The following PUM1 variants were observed in gnomAD, a reference collection of about 807,000 sequenced individuals.
PUM1 encodes the protein pumilio RNA binding family member 1, also known as pumilio homolog 1.
Under a neutral mutation model 131.8 loss-of-function variants are expected in PUM1, and 13 were observed. That is an observed-to-expected ratio of 0.10 (90% CI 0.06 to 0.16). The LOEUF is 0.16. Among genes scored for constraint, PUM1 ranks in the 10% least tolerant of loss-of-function variants. PUM1 has a pLI of 1.00. For synonymous variants in PUM1, 509 were observed against 556.5 expected (o/e 0.91, Z 1.20); for missense variants, 961 against 1,512.4 (o/e 0.64, Z 6.05).
chr1:30,964,660 G>A lies in PUM1; in HGVS notation c.2323+14C>T, dbSNP rs747492855. Reference sequence around the variant, plus strand: ...TTCTAGAGTTCAAGGTGGTGTTAGAGTAATGGTTCTTACCCAGGTTTAAGC... The same window carrying A: ...TTCTAGAGTTCAAGGTGGTGTTAGAATAATGGTTCTTACCCAGGTTTAAGC... On this transcript the variant is annotated intron_variant, in intron 14 of 21. Transcript: ENST00000426105. The A allele has an allele frequency of 3.8e-6, 6 of 1,589,216 alleles. No individual in the cohort carries two copies. The East Asian group carries it at 6.7e-5, about 18-fold the overall frequency.
intron 14 of PUM1, among the ~76,000 whole-genome samples, chr1:30,959,705 A>T (rs913020445): frequency 6.6e-6 from 1 of 152,118 alleles, no homozygotes; most frequent in African/African-American, 2.4e-5. Context: ...CAGGAGATCG[A>T]GACCATCCTG....
chr1:31,028,938 G>GA, intron 2 of PUM1, 74 bp from the exon 3 acceptor site: 1 of 1,170,192 alleles, frequency 8.5e-7, no homozygotes, highest in South Asian at 1.2e-5. Context: ...ACACACAATT[G>GA]AAAATTTATT....
intron 2 of PUM1, among the ~76,000 whole-genome samples, chr1:31,054,142 C>CATGG (rs1557607685): frequency 7.3e-6 from 1 of 137,748 alleles, no homozygotes; most frequent in Non-Finnish European, 1.6e-5. Flanking sequence ...CCAGCCTGAG[C>CATGG]ATGGCAAAAC....
chr1:30,955,086 CAAACAAAA>C (rs1640095116), intron 14 of PUM1, among the ~76,000 whole-genome samples: 1 of 149,800 alleles, frequency 6.7e-6, no homozygotes. Flanking sequence ...AACAAACAAA[CAAACAAAA>C]AAAAACAAAA....
intron 3 of PUM1, among the ~76,000 whole-genome samples, chr1:31,014,049 C>T (rs966410694): frequency 2.0e-5 from 3 of 152,264 alleles, no homozygotes; most frequent in Middle Eastern, 3.4e-3. Context: ...TTCCTGCAAT[C>T]CCAGCACTTT....
intron 20 of PUM1, 49 bp from the exon 21 acceptor site, chr1:30,936,884 T>C (rs754107627): frequency 9.1e-5 from 121 of 1,325,540 alleles, no homozygotes; most frequent in Non-Finnish European, 1.3e-4. Context: ...AGGCCCCTGT[T>C]AGTGAGGCTG....
chr1:30,950,720 C>T (rs533220273), intron 16 of PUM1, among the ~76,000 whole-genome samples: 2 of 152,284 alleles, frequency 1.3e-5, no homozygotes, highest in African/African-American at 4.8e-5. Context: ...ATTGGCTGGG[C>T]ATGGTGGCAC....
intron 9 of PUM1, among the ~76,000 whole-genome samples, chr1:30,977,614 A>C (rs899733436): frequency 6.6e-6 from 1 of 152,168 alleles, no homozygotes; most frequent in Admixed American, 6.5e-5. Flanking sequence ...ACCCTCAAAG[A>C]ATACACATTT....
chr1:31,038,186 T>TC (rs1360105138), intron 2 of PUM1, among the ~76,000 whole-genome samples: 7 of 150,766 alleles, frequency 4.6e-5, no homozygotes, highest in Admixed American at 4.0e-4. Flanking sequence ...ATGCAGATGA[T>TC]CTTTAAAGCT....
chr1:30,953,573 G>T, intron 15 of PUM1, 141 bp downstream of exon 15: 1 of 881,884 alleles, frequency 1.1e-6, no homozygotes, highest in East Asian at 2.4e-5. Context: ...AAATCCCTAT[G>T]AAATAATGTG....
At chr1:30,968,261 A>C in intron 11 of PUM1, 93 bp downstream of exon 11, 1 of 1,547,540 alleles carries the variant, frequency 6.5e-7, no homozygotes. Context: ...AAGCCTAAGC[A>C]AGGTGAAAGC....
In PUM1 at chr1:30,980,140, G is replaced by A; in HGVS notation, c.1276C>T (p.Pro426Ser). 1 of 1,613,974 alleles carries A rather than the reference G, an allele frequency of 6.2e-7. No individual in the cohort carries two copies. The highest frequency in any genetic ancestry group is 8.5e-7 in the Non-Finnish European group (1 of 1,179,958). ...GCAGCGCTGATGATGTATGGATTGGGGACAAACGCAGCGGGAGCTAAACCT... is the reference window on the plus strand; with the variant it reads ...GCAGCGCTGATGATGTATGGATTGGAGACAAACGCAGCGGGAGCTAAACCT... ...HIGLAPAAFV[P>S]NPYIISAAPP... The change falls in exon 9 of 22, where the codon CCC becomes TCC. Residue 426 changes from proline to serine, a missense_variant. Physicochemically the swap from Pro to Ser is moderately conservative, Grantham distance 74 (BLOSUM62 -1). This residue lies in a region of PUM1 where 654 missense variants were observed against 923.9 expected (regional missense o/e 0.71). Transcript: ENST00000426105.
At chr1:30,944,927 T>C (rs1275752532) in intron 18 of PUM1, among the ~76,000 whole-genome samples, 1 of 152,254 alleles carries the variant, frequency 6.6e-6, no homozygotes, top group Non-Finnish European at 1.5e-5. Context: ...GACTGCTTTT[T>C]ACTGCAGTCT....
At position 30,998,647 on chromosome 1, in the gene PUM1, G is replaced by C. The variant is rs566018053; in HGVS notation, c.721-3427C>G. 4.6e-5 allele frequency among the ~76,000 whole-genome samples: 7 copies of C among 152,234 alleles called. No individual in the cohort carries two copies. The South Asian group carries it at 1.5e-3, about 32-fold the overall frequency. On this transcript the variant is annotated intron_variant, in intron 5 of 21. Transcript: ENST00000426105. ...ATAGATAAAATAAAGGATACGAAAAGAAAAGAAAAATAAAAGACTTGACTG... is the reference window on the plus strand; with the variant it reads ...ATAGATAAAATAAAGGATACGAAAACAAAAGAAAAATAAAAGACTTGACTG...
intron 2 of PUM1, among the ~76,000 whole-genome samples, chr1:31,035,811 G>A (rs1459616760): frequency 6.6e-6 from 1 of 151,644 alleles, no homozygotes; most frequent in African/African-American, 2.4e-5. Context: ...ACAAAATATA[G>A]ATAAATCATT....
rs1035388842 is a variant in PUM1, at chr1:30,980,103, G to A, written c.1313C>T (p.Thr438Met). Residue 438 changes from threonine to methionine, a missense_variant, in exon 9 of 22, where the codon ACG (threonine) becomes ATG (methionine). Around this residue, in one of 4 missense-constraint regions of PUM1, gnomAD observed 654 missense variants for 923.9 expected, o/e 0.71. Transcript: ENST00000426105. Reference protein sequence around the residue: ...PYIISAAPPGTDPYTAGLAAA... With the variant: ...PYIISAAPPGMDPYTAGLAAA... The stretch of plus-strand genomic sequence containing the variant: ...AGCCAATCCAGCTGTGTAGGGGTCC[G>A]TCCCTGGGGGAGCAGCGCTGATGAT... The A allele has an allele frequency of 7.4e-6, 12 of 1,613,766 alleles. No individual in the cohort carries two copies. The highest frequency in any genetic ancestry group is 2.2e-5 in the East Asian group (1 of 44,868).
At chr1:31,042,604 CT>C (rs1295293489) in intron 2 of PUM1, among the ~76,000 whole-genome samples, 1 of 152,084 alleles carries the variant, frequency 6.6e-6, no homozygotes, top group Non-Finnish European at 1.5e-5. Context: ...TAAGGTTTGT[CT>C]TTTTTTCTTT....
chr1:30,972,034 C>A (rs1640890567), intron 10 of PUM1, among the ~76,000 whole-genome samples: 1 of 151,610 alleles, frequency 6.6e-6, no homozygotes, highest in South Asian at 2.1e-4. Flanking sequence ...GTGGGTGGAA[C>A]ACTGGAGGTC....
intron 15 of PUM1, among the ~76,000 whole-genome samples, chr1:30,952,672 A>AG (rs1489893024): frequency 0.013 from 133 of 10,488 alleles, 3 homozygotes; most frequent in East Asian, 0.12. Context: ...GGAAGATGAA[A>AG]GCGGGGGGGG....
Sources: gnomAD v4.1 joint callset for allele counts (sites outside exome capture counted in the v4.1 genomes callset) on GRCh38, gnomAD v4.1.1 for gene constraint, gnomAD v4.1.1 regional missense constraint, MANE v1.5 for transcripts, NCBI Gene and HGNC (gene_info 2026-07-23, HGNC 2026-07-21) for gene names.